OTUD7A: variants seen among roughly 807,000 people sequenced by gnomAD.
OTUD7A encodes the protein OTU deubiquitinase 7A.
In OTUD7A, 12 loss-of-function variants were observed where a neutral mutation model predicts 65.7. That is an observed-to-expected ratio of 0.18 (90% CI 0.12 to 0.30). OTUD7A has a LOEUF of 0.30. OTUD7A is among the 10% of genes least tolerant of loss of function. The probability of loss-of-function intolerance (pLI) is 1.00; values close to 1 mark genes in which losing one functional copy is unlikely to be tolerated. For missense variants in OTUD7A, 1,148 were observed against 1,304.8 expected, an observed-to-expected ratio of 0.88 and a Z score of 1.85; for synonymous variants, 641 against 586.3, an observed-to-expected ratio of 1.09 and a Z score of -1.35.
At chr15:31,768,215 T>G (rs1403000438) in intron 1 of OTUD7A, 6 of 1,006,402 alleles carry the variant, frequency 6.0e-6, no homozygotes, top group Non-Finnish European at 9.6e-6. Context: ...TCTGTCAGCG[T>G]CCGGTGGCAT....
rs2041026464 is a variant in OTUD7A, at chr15:31,476,736, G to C, written c.*6558C>G. 6.6e-6 allele frequency: 1 copy of C among 152,286 alleles called. No individual in the cohort carries two copies. The highest frequency in any genetic ancestry group is 1.5e-5 in the Non-Finnish European group (1 of 68,070). The allele number at this position is 152,286 out of a possible 1,614,324, so 9.4% of individuals were successfully genotyped here. On this transcript the variant is annotated 3_prime_UTR_variant, in exon 13 of 13. Coordinates refer to ENST00000307050, the MANE Select transcript of OTUD7A (RefSeq NM_001382637.1). ...CAAGAGAAATGACAGCAAAACCACG[G>C]AAGTGGATTAAACAGGAGGACAAAG...
At chr15:31,639,982 A>G (rs1162967810) in intron 3 of OTUD7A, among the ~76,000 whole-genome samples, 1 of 152,198 alleles carries the variant, frequency 6.6e-6, no homozygotes, top group African/African-American at 2.4e-5. Flanking sequence ...TTCTCTTAAC[A>G]CTATCCTCAA....
chr15:31,624,256 T>G (rs1419488768), intron 3 of OTUD7A, among the ~76,000 whole-genome samples: 4 of 152,218 alleles, frequency 2.6e-5, no homozygotes, highest in South Asian at 2.1e-4. Flanking sequence ...TTAAAATCAG[T>G]GGTACTTATC....
At chr15:31,572,169 A>G (rs944925509) in intron 3 of OTUD7A, among the ~76,000 whole-genome samples, 2 of 152,196 alleles carry the variant, frequency 1.3e-5, no homozygotes, top group African/African-American at 4.8e-5. Flanking sequence ...ATCTAATTCT[A>G]TATGTTCAGA....
At chr15:31,617,982 A>T (rs561042929) in intron 3 of OTUD7A, among the ~76,000 whole-genome samples, 30 of 147,244 alleles carry the variant, frequency 2.0e-4, no homozygotes, top group African/African-American at 3.6e-4. Flanking sequence ...CCTGTGTCCA[A>T]GTGTTCTCAT....
intron 1 of OTUD7A, among the ~76,000 whole-genome samples, chr15:31,805,049 G>A (rs898340727): frequency 2.6e-5 from 4 of 152,176 alleles, no homozygotes; most frequent in African/African-American, 9.6e-5. Flanking sequence ...CAGGCATCTT[G>A]AACAAAGAAC....
intron 3 of OTUD7A, among the ~76,000 whole-genome samples, chr15:31,593,887 G>A (rs1889828594): frequency 6.6e-6 from 1 of 152,160 alleles, no homozygotes; most frequent in Non-Finnish European, 1.5e-5. Flanking sequence ...CTCAGTGCAG[G>A]TGGGAACCTG....
chr15:31,599,611 C>A (rs762255793), intron 3 of OTUD7A, among the ~76,000 whole-genome samples: 9 of 152,078 alleles, frequency 5.9e-5, no homozygotes, highest in Non-Finnish European at 7.4e-5. Context: ...TCCTCGCCAG[C>A]AAGGGAACAA....
chr15:31,603,174 G>A (rs990341621), intron 3 of OTUD7A, among the ~76,000 whole-genome samples: 10 of 152,098 alleles, frequency 6.6e-5, no homozygotes, highest in Non-Finnish European at 7.4e-5. Flanking sequence ...GGGGCATCAC[G>A]CTACCTGACT....
intron 1 of OTUD7A, among the ~76,000 whole-genome samples, chr15:31,808,136 C>CACACACACACACACACAAAA (rs772574742): frequency 4.7e-4 from 56 of 119,490 alleles, no homozygotes; most frequent in South Asian, 2.0e-3. Flanking sequence ...CACACACACA[C>CACACACACACACACACAAAA]AAACAAATCC....
At chr15:31,781,471 G>C (rs577765303) in intron 1 of OTUD7A, among the ~76,000 whole-genome samples, 29 of 150,232 alleles carry the variant, frequency 1.9e-4, no homozygotes, top group Admixed American at 1.9e-3. Flanking sequence ...ACTGCACCCT[G>C]TCTGAATCCA....
Position 31,481,693 on chromosome 15 carries a change from C to G in OTUD7A, c.*1601G>C, listed in dbSNP as rs1237531214. The G allele has an allele frequency of 6.6e-6, 1 of 152,360 alleles. No homozygotes were observed. The highest frequency in any genetic ancestry group is 1.5e-5 in the Non-Finnish European group (1 of 68,006). 9.4% of individuals were successfully genotyped at this position (152,360 alleles called of 1,614,324 possible). A position where few individuals can be genotyped will look rare whatever the true frequency, so the allele number is the denominator to read the frequency against. On this transcript the variant is annotated 3_prime_UTR_variant, in exon 13 of 13. Coordinates refer to ENST00000307050, the MANE Select transcript of OTUD7A (RefSeq NM_001382637.1). ...AAAAAGGCATTACTCACAGGAGATA[C>G]TCAATTATTTTATTATAATTTCTCA...
intron 3 of OTUD7A, among the ~76,000 whole-genome samples, chr15:31,617,885 C>T (rs1197611255): frequency 6.6e-6 from 1 of 151,920 alleles, no homozygotes; most frequent in Non-Finnish European, 1.5e-5. Flanking sequence ...CCCATTAATT[C>T]GTCATTCACA....
At chr15:31,723,790 T>A (rs1229812517) in intron 1 of OTUD7A, among the ~76,000 whole-genome samples, 3 of 57,370 alleles carry the variant, frequency 5.2e-5, no homozygotes, top group Non-Finnish European at 1.0e-4. Flanking sequence ...AGAAAAAAAA[T>A]CCTGCAAGTG....
intron 12 of OTUD7A, among the ~76,000 whole-genome samples, chr15:31,486,406 G>A (rs1056604394): frequency 6.6e-6 from 1 of 152,220 alleles, no homozygotes; most frequent in Non-Finnish European, 1.5e-5. Flanking sequence ...GCTGGCCACC[G>A]CCCGACTCCT....
intron 1 of OTUD7A, among the ~76,000 whole-genome samples, chr15:31,697,693 C>T (rs201425486): frequency 4.0e-3 from 538 of 133,522 alleles, no homozygotes; most frequent in African/African-American, 7.6e-3. Flanking sequence ...ACAACAACCC[C>T]GCGCTGCAGG....
chr15:31,532,282 G>C (rs1435578138), intron 5 of OTUD7A, among the ~76,000 whole-genome samples: 1 of 151,984 alleles, frequency 6.6e-6, no homozygotes, highest in African/African-American at 2.4e-5. Flanking sequence ...ACATACCTAA[G>C]ACAAATGAAA....
chr15:31,749,857 T>C (rs1375727336), intron 1 of OTUD7A, among the ~76,000 whole-genome samples: 1 of 151,906 alleles, frequency 6.6e-6, no homozygotes, highest in African/African-American at 2.4e-5. Context: ...ATAAACATAG[T>C]AAGTAAAGTT....
intron 3 of OTUD7A, among the ~76,000 whole-genome samples, chr15:31,619,968 T>G (rs1221141999): frequency 6.6e-6 from 1 of 152,216 alleles, no homozygotes. Flanking sequence ...TGAGAGTTTT[T>G]AGCATCAAGG....
Sources: gnomAD v4.1 joint callset for allele counts (sites outside exome capture counted in the v4.1 genomes callset) on GRCh38, gnomAD v4.1.1 for gene constraint, MANE v1.5 for transcripts, NCBI Gene and HGNC (gene_info 2026-07-23, HGNC 2026-07-21) for gene names.